Variants in ARHGEF28 observed in about 807,000 individuals in gnomAD.
ARHGEF28 encodes the protein Rho guanine nucleotide exchange factor 28.
In ARHGEF28, 152 loss-of-function variants were observed where a neutral mutation model predicts 206.6. The ratio of observed to expected loss-of-function variants is 0.74; its 90% confidence interval spans 0.64 to 0.84. The LOEUF (loss-of-function observed/expected upper bound fraction) is 0.84, where lower values mean the gene tolerates loss of function less well. ARHGEF28 is among the 40% of genes least tolerant of loss of function. The pLI is 0.00. For missense variants in ARHGEF28, 2,028 were observed against 2,073.2 expected, an observed-to-expected ratio of 0.98 and a Z score of 0.42; for synonymous variants, 763 against 776.4, an observed-to-expected ratio of 0.98 and a Z score of 0.29.
At chr5:73,717,309 C>T (rs1431874463) in intron 2 of ARHGEF28, among the ~76,000 whole-genome samples, 1 of 152,124 alleles carries the variant, frequency 6.6e-6, no homozygotes, top group Non-Finnish European at 1.5e-5. Flanking sequence ...CGTTCCTTAT[C>T]TCCTGACTGT....
At chr5:73,775,819 G>C (rs1209363188) in intron 5 of ARHGEF28, among the ~76,000 whole-genome samples, 1 of 152,152 alleles carries the variant, frequency 6.6e-6, no homozygotes, top group Non-Finnish European at 1.5e-5. Context: ...AAGCCTGAAT[G>C]TAATTTACAA....
chr5:73,909,551 A>G lies in ARHGEF28; in HGVS notation c.4301A>G (p.His1434Arg). 1 of 1,580,242 alleles carries G rather than the reference A, an allele frequency of 6.3e-7. No individual in the cohort carries two copies. Among genetic ancestry groups the G allele is most frequent in the Non-Finnish European group, 8.6e-7 (1 of 1,163,138 alleles). ...DQKSRDADRQ[H>R]EELANVHQLQ... ...AAGTCTCGCGACGCGGACAGGCAGC[A>G]TGAGGAGCTGGCCAATGTGCACCAG... Residue 1434 changes from histidine (H) to arginine (R), a missense_variant, in exon 34 of 36, where the codon CAT (histidine) becomes CGT (arginine). This residue lies in a region of ARHGEF28 where 803 missense variants were observed against 768.0 expected (regional missense o/e 1.05). Coordinates refer to ENST00000513042, the MANE Select transcript of ARHGEF28 (RefSeq NM_001177693.2).
intron 7 of ARHGEF28, among the ~76,000 whole-genome samples, chr5:73,793,217 A>G (rs1754588736): frequency 6.6e-6 from 1 of 152,210 alleles, no homozygotes; most frequent in African/African-American, 2.4e-5. Context: ...TGTTGTCCAG[A>G]TTTTTAGAAA....
At position 73,776,506 on chromosome 5, in the gene ARHGEF28, G is replaced by A. The variant is rs754412230; in HGVS notation, c.660-10G>A. On this transcript the variant is annotated splice_polypyrimidine_tract_variant and intron_variant, in intron 5 of 35. Transcript: ENST00000513042. ...AAGCTCTGTGTGGGTTTTGATTTGT[G>A]TTGTTTCAGTTTTCAGGGCAGATGG... is the stretch of plus-strand genomic sequence containing the variant. The A allele has an allele frequency of 1.9e-6, 3 of 1,607,018 alleles. No homozygotes were observed. In the South Asian group the frequency reaches 3.3e-5, roughly 18 times the overall value.
intron 2 of ARHGEF28, among the ~76,000 whole-genome samples, chr5:73,747,338 C>A (rs1299106863): frequency 1.3e-5 from 2 of 152,102 alleles, no homozygotes; most frequent in Non-Finnish European, 2.9e-5. Context: ...AGAAAAGTAG[C>A]AGATTTTCAG....
chr5:73,744,604 GTTCAC>G (rs1751620573), intron 2 of ARHGEF28, among the ~76,000 whole-genome samples: 1 of 151,730 alleles, frequency 6.6e-6, no homozygotes, highest in Non-Finnish European at 1.5e-5. Context: ...AAATTTGATA[GTTCAC>G]TTAGCACTGT....
chr5:73,847,532 G>A (rs1010205620), intron 12 of ARHGEF28, among the ~76,000 whole-genome samples: 2 of 152,084 alleles, frequency 1.3e-5, no homozygotes, highest in African/African-American at 2.4e-5. Flanking sequence ...GATATTTCTG[G>A]ATAATGAGAA....
At chr5:73,898,818 C>A (rs759465848) in intron 30 of ARHGEF28, 10 of 152,196 alleles carry the variant, frequency 6.6e-5, no homozygotes, top group Non-Finnish European at 1.3e-4. Flanking sequence ...ATAAAGGTTT[C>A]TAAGATAAGA....
chr5:73,847,438 C>G (rs1387170944), intron 12 of ARHGEF28, among the ~76,000 whole-genome samples: 1 of 152,130 alleles, frequency 6.6e-6, no homozygotes, highest in Non-Finnish European at 1.5e-5. Flanking sequence ...AATTCTGGGT[C>G]TTTTGAGCAC....
Position 73,911,407 on chromosome 5 carries a change from C to G in ARHGEF28, c.4780C>G (p.Pro1594Ala), listed in dbSNP as rs903025803. ...AGTTATCCATCAGGATGCCACTTACCCTACAACTCAATCTCATTCTGACTT... is the reference window on the plus strand; with the variant it reads ...AGTTATCCATCAGGATGCCACTTACGCTACAACTCAATCTCATTCTGACTT... The part of the protein sequence containing the change: ...PSVIHQDATY[P>A]TTQSHSDLVR... The change falls in exon 35 of 36, where the codon CCT (proline) becomes GCT (alanine). Residue 1594 changes from proline (P) to alanine (A), a missense_variant. Physicochemically the swap from Pro to Ala is conservative, Grantham distance 27 (BLOSUM62 -1). Coordinates refer to ENST00000513042, the MANE Select transcript of ARHGEF28 (RefSeq NM_001177693.2). 2 of 1,613,818 alleles carry G rather than the reference C, an allele frequency of 1.2e-6. No homozygotes were observed. The highest frequency in any genetic ancestry group is 2.7e-5 in the African/African-American group (2 of 74,900).
At position 73,832,387 on chromosome 5, in the gene ARHGEF28, T is replaced by G. The variant is rs772624174; in HGVS notation, c.1074T>G (p.Leu358=). Residue 358 remains leucine, a synonymous_variant, in exon 10 of 36, where the codon CTT becomes CTG. Coordinates refer to ENST00000513042, the MANE Select transcript of ARHGEF28 (RefSeq NM_001177693.2). The part of the protein sequence containing the change: ...LKKSKPPSTL[L]AAGRLSDMLN... The stretch of plus-strand genomic sequence containing the variant: ...AATCCAAGCCGCCCTCGACATTGCT[T>G]GCTGCAGGCCGGCTTTCAGACATGC... The G allele has an allele frequency of 1.9e-6, 3 of 1,612,732 alleles. No homozygotes were observed. Among genetic ancestry groups the G allele is most frequent in the Middle Eastern group, 1.7e-4 (1 of 6,060 alleles).
At chr5:73,737,629 A>C (rs1295927759) in intron 2 of ARHGEF28, among the ~76,000 whole-genome samples, 1 of 151,480 alleles carries the variant, frequency 6.6e-6, no homozygotes, top group African/African-American at 2.4e-5. Flanking sequence ...CTTCTGCCTC[A>C]GCCTCCCAAG....
intron 1 of ARHGEF28, 49 bp from the exon 2 acceptor site, chr5:73,684,792 C>T (rs935243049): frequency 2.9e-5 from 46 of 1,570,368 alleles, no homozygotes; most frequent in Non-Finnish European, 3.7e-5. Context: ...CTGGTCGGTT[C>T]CATGGGGCCT....
At chr5:73,699,962 A>C (rs1748492463) in intron 2 of ARHGEF28, among the ~76,000 whole-genome samples, 1 of 152,316 alleles carries the variant, frequency 6.6e-6, no homozygotes, top group Middle Eastern at 3.4e-3. Flanking sequence ...GTCTATTCTC[A>C]TCAGTAGAAT....
chr5:73,744,265 A>C (rs924612378), intron 2 of ARHGEF28, among the ~76,000 whole-genome samples: 5 of 152,172 alleles, frequency 3.3e-5, no homozygotes, highest in South Asian at 2.1e-4. Context: ...TGAATAAAAT[A>C]CTTTGTGCCC....
intron 2 of ARHGEF28, among the ~76,000 whole-genome samples, chr5:73,706,075 A>T (rs559587140): frequency 6.6e-6 from 1 of 152,276 alleles, no homozygotes; most frequent in South Asian, 2.1e-4. Flanking sequence ...AGTGGAGCTG[A>T]GCCAGAGAAG....
chr5:73,670,664 CT>C (rs1189665336), intron 1 of ARHGEF28, among the ~76,000 whole-genome samples: 3 of 152,090 alleles, frequency 2.0e-5, no homozygotes, highest in Non-Finnish European at 2.9e-5. Context: ...GGTGATGGCA[CT>C]TTTTTTGTGT....
intron 9 of ARHGEF28, among the ~76,000 whole-genome samples, chr5:73,797,633 C>T (rs1348220292): frequency 6.6e-6 from 1 of 152,130 alleles, no homozygotes; most frequent in Non-Finnish European, 1.5e-5. Context: ...ATCTGCCAGC[C>T]TCGGCCTCCT....
intron 7 of ARHGEF28, among the ~76,000 whole-genome samples, chr5:73,789,101 A>C (rs112686242): frequency 1.3e-5 from 2 of 152,108 alleles, no homozygotes; most frequent in African/African-American, 4.8e-5. Flanking sequence ...ATAATAGACA[A>C]AAAGTGGAAA....
Sources: gnomAD v4.1 joint callset for allele counts (sites outside exome capture counted in the v4.1 genomes callset) on GRCh38, gnomAD v4.1.1 for gene constraint, gnomAD v4.1.1 regional missense constraint, MANE v1.5 for transcripts, NCBI Gene and HGNC (gene_info 2026-07-23, HGNC 2026-07-21) for gene names.